The following PMFBP1 variants were observed in gnomAD, a reference collection of about 807,000 sequenced individuals.
PMFBP1 encodes the protein polyamine modulated factor 1 binding protein 1, also known as polyamine-modulated factor 1-binding protein 1.
Under a neutral mutation model 137.8 loss-of-function variants are expected in PMFBP1, and 131 were observed. That is an observed-to-expected ratio of 0.95 (90% CI 0.82 to 1.10). PMFBP1 has a LOEUF of 1.10. Ranked by LOEUF, PMFBP1 falls within the 50% of genes least tolerant of loss-of-function variation. The probability of loss-of-function intolerance (pLI) is 0.00; values close to 1 mark genes in which losing one functional copy is unlikely to be tolerated. For missense variants in PMFBP1, 1,199 were observed against 1,175.4 expected (o/e 1.02, Z -0.29); for synonymous variants, 490 against 450.4 (o/e 1.09, Z -1.11).
At chr16:72,198,099 T>C in the PMFBP1 span, among the ~76,000 whole-genome samples, 1 of 152,102 alleles carries the variant, frequency 6.6e-6, no homozygotes, top group Non-Finnish European at 1.5e-5. Context: ...TAAATAAATA[T>C]TTTAACTGGA....
At chr16:72,235,658 T>C in the PMFBP1 span, among the ~76,000 whole-genome samples, 1 of 152,098 alleles carries the variant, frequency 6.6e-6, no homozygotes, top group African/African-American at 2.4e-5. Context: ...TTTATTTAGG[T>C]CTTTAATTTC....
the PMFBP1 span, among the ~76,000 whole-genome samples, chr16:72,212,434 G>C: frequency 1.0e-4 from 15 of 150,676 alleles, no homozygotes; most frequent in Non-Finnish European, 7.4e-5. Flanking sequence ...CTGTTTCTAT[G>C]TGTTCTTTAA....
intron 6 of PMFBP1, 126 bp downstream of exon 6, chr16:72,140,286 T>C: frequency 1.0e-6 from 1 of 966,322 alleles, no homozygotes; most frequent in Non-Finnish European, 1.6e-6. Flanking sequence ...GGGGGGCAAG[T>C]ATATATCAGA....
the PMFBP1 span, among the ~76,000 whole-genome samples, chr16:72,191,651 C>T: frequency 2.0e-5 from 3 of 152,170 alleles, no homozygotes; most frequent in African/African-American, 7.2e-5. Flanking sequence ...TTAGGTAATT[C>T]CTTGAGAAGT....
the PMFBP1 span, among the ~76,000 whole-genome samples, chr16:72,239,911 A>G: frequency 6.6e-6 from 1 of 150,620 alleles, no homozygotes; most frequent in Non-Finnish European, 1.5e-5. Context: ...GAAAAAAAAA[A>G]AAAAAAGAAT....
intron 3 of PMFBP1, among the ~76,000 whole-genome samples, chr16:72,155,490 A>G (rs780054634): frequency 4.6e-5 from 7 of 152,322 alleles, no homozygotes; most frequent in South Asian, 4.1e-4. Context: ...ATTAGATTAT[A>G]AACTCCTGGA....
At chr16:72,157,305 G>C (rs1264845401) in intron 3 of PMFBP1, among the ~76,000 whole-genome samples, 2 of 151,878 alleles carry the variant, frequency 1.3e-5, no homozygotes, top group Non-Finnish European at 2.9e-5. Flanking sequence ...AGGACAAAAT[G>C]CAACAGGGGA....
chr16:72,150,752 G>A lies in PMFBP1; in HGVS notation c.492C>T (p.Leu164=), dbSNP rs757008660. The A allele has an allele frequency of 6.2e-6, 10 of 1,614,082 alleles. No homozygotes were observed. Among genetic ancestry groups the A allele is most frequent in the African/African-American group, 4.0e-5 (3 of 74,926 alleles). ...GEKLHLAQEQ[L]ALAGDKIASL... ...AGGCGATCTTGTCCCCGGCCAAGGCGAGTTGCTCCTGCGCCAAATGGAGCT... is the reference window on the plus strand; with the variant it reads ...AGGCGATCTTGTCCCCGGCCAAGGCAAGTTGCTCCTGCGCCAAATGGAGCT... Residue 164 remains leucine (L), a synonymous_variant, in exon 5 of 21, where the codon CTC becomes CTT. Transcript: ENST00000237353.
Position 72,133,002 on chromosome 16 carries a change from C to A in PMFBP1, c.1204-11G>T, listed in dbSNP as rs765222838. On this transcript the variant is annotated splice_polypyrimidine_tract_variant and intron_variant, in intron 9 of 20. Transcript: ENST00000237353. ...TTTCTCTTGGAGGAACTGAAGACAGCAAAATGCAAATGCTGGGAAAGGTCT... is the reference window on the plus strand; with the variant it reads ...TTTCTCTTGGAGGAACTGAAGACAGAAAAATGCAAATGCTGGGAAAGGTCT... The A allele has an allele frequency of 4.3e-6, 7 of 1,613,408 alleles. No individual in the cohort carries two copies. Among genetic ancestry groups the A allele is most frequent in the African/African-American group, 1.3e-5 (1 of 74,820 alleles).
At chr16:72,196,650 G>T in the PMFBP1 span, among the ~76,000 whole-genome samples, 7 of 152,204 alleles carry the variant, frequency 4.6e-5, no homozygotes, top group Admixed American at 3.9e-4. Context: ...TTACACATGG[G>T]ATGACTATTT....
At chr16:72,120,251 G>T in intron 19 of PMFBP1, 162 bp from the exon 20 acceptor site, 2 of 1,205,374 alleles carry the variant, frequency 1.7e-6, no homozygotes, top group Non-Finnish European at 2.3e-6. Flanking sequence ...GGAAGCCTAC[G>T]TGTGTCCTGT....
At position 72,124,812 on chromosome 16, in the gene PMFBP1, C is replaced by T; in HGVS notation, c.2544G>A (p.Glu848=). 6.2e-7 allele frequency: 1 copy of T among 1,614,206 alleles called. No individual in the cohort carries two copies. Residue 848 remains glutamate, a synonymous_variant, in exon 17 of 21, where the codon GAG becomes GAA. Transcript: ENST00000237353. ...GGTTCTCTTTTAAGGCGGCCATCTC[C>T]TCCTGGAACTCCCTGAGCTGCTCCT... ...AKEEQLREFQ[E]EMAALKENLL...
chr16:72,144,450 C>T (rs976515227), intron 5 of PMFBP1, among the ~76,000 whole-genome samples: 20 of 152,012 alleles, frequency 1.3e-4, no homozygotes, highest in African/African-American at 4.6e-4. Context: ...AAAAAAATAC[C>T]GAGTCCAGAG....
intron 9 of PMFBP1, among the ~76,000 whole-genome samples, chr16:72,133,690 C>A (rs913621426): frequency 6.6e-6 from 1 of 152,044 alleles, no homozygotes; most frequent in East Asian, 1.9e-4. Flanking sequence ...GGTTGTCGGG[C>A]GACCATCAGG....
chr16:72,142,673 A>G (rs2042740946), intron 5 of PMFBP1, among the ~76,000 whole-genome samples: 1 of 152,372 alleles, frequency 6.6e-6, no homozygotes, highest in Admixed American at 6.5e-5. Flanking sequence ...TGTTTCTGAA[A>G]GAATTAAGAA....
chr16:72,189,111 G>A, the PMFBP1 span, among the ~76,000 whole-genome samples: 3 of 151,866 alleles, frequency 2.0e-5, no homozygotes, highest in African/African-American at 4.8e-5. Flanking sequence ...GCCAGGCACC[G>A]TGCTATGGAC....
intron 19 of PMFBP1, 187 bp from the exon 20 acceptor site, chr16:72,120,276 C>T (rs536045186): frequency 3.1e-6 from 3 of 982,452 alleles, no homozygotes; most frequent in Non-Finnish European, 4.5e-6. Flanking sequence ...GAAGCCCAGG[C>T]CTGGGGTCTG....
At chr16:72,232,550 T>C in the PMFBP1 span, among the ~76,000 whole-genome samples, 2 of 152,216 alleles carry the variant, frequency 1.3e-5, no homozygotes, top group East Asian at 3.8e-4. Flanking sequence ...GCTGTCCTCA[T>C]ACTGTGGCTT....
intron 7 of PMFBP1, among the ~76,000 whole-genome samples, chr16:72,137,034 AT>A (rs2042642781): frequency 1.3e-5 from 2 of 152,316 alleles, no homozygotes; most frequent in Admixed American, 6.5e-5. Flanking sequence ...AGTGGTGATG[AT>A]TGCCCAACCT....
Sources: allele counts gnomAD v4.1 joint callset (sites outside exome capture counted in the v4.1 genomes callset), GRCh38; gene constraint gnomAD v4.1.1; transcripts MANE v1.5; gene names NCBI Gene and HGNC (gene_info 2026-07-23, HGNC 2026-07-21).